Variants in ABLIM1 observed in about 807,000 individuals in gnomAD.
ABLIM1 encodes actin binding LIM protein 1, also known as actin-binding LIM protein 1.
Under a neutral mutation model 107.0 loss-of-function variants are expected in ABLIM1, and 40 were observed. The ratio of observed to expected loss-of-function variants is 0.37; its 90% confidence interval spans 0.29 to 0.49. ABLIM1 has a LOEUF of 0.49. Among genes scored for constraint, ABLIM1 ranks in the 20% least tolerant of loss-of-function variants. The pLI is 0.97. For synonymous variants in ABLIM1, 357 were observed against 357.3 expected (o/e 1.00, Z 0.01); for missense variants, 857 against 1,008.5 (o/e 0.85, Z 2.04).
intron 14 of ABLIM1, among the ~76,000 whole-genome samples, chr10:114,449,559 G>A (rs567692661): frequency 2.6e-5 from 4 of 152,302 alleles, no homozygotes; most frequent in Non-Finnish European, 5.9e-5. Flanking sequence ...CTGAGACTAT[G>A]GGTGTGGGCC....
intron 2 of ABLIM1, among the ~76,000 whole-genome samples, chr10:114,584,286 C>T (rs1348590244): frequency 3.3e-5 from 5 of 152,096 alleles, no homozygotes; most frequent in African/African-American, 7.2e-5. Context: ...ATTAGCACTG[C>T]GAATACCAAA....
At chr10:114,505,754 A>T (rs1379090200) in intron 6 of ABLIM1, among the ~76,000 whole-genome samples, 1 of 152,222 alleles carries the variant, frequency 6.6e-6, no homozygotes, top group African/African-American at 2.4e-5. Flanking sequence ...TCTAAAGTAC[A>T]TTCCAGCTCT....
intron 6 of ABLIM1, among the ~76,000 whole-genome samples, chr10:114,499,910 G>C (rs548855771): frequency 6.6e-6 from 1 of 152,318 alleles, no homozygotes; most frequent in South Asian, 2.1e-4. Context: ...CAATGCAACT[G>C]GACTGGCTTG....
intron 1 of ABLIM1, among the ~76,000 whole-genome samples, chr10:114,638,946 AC>A (rs1001979511): frequency 3.8e-4 from 58 of 152,230 alleles, no homozygotes; most frequent in African/African-American, 1.3e-3. Context: ...GTAATCATCC[AC>A]CCTGTCTAAT....
chr10:114,654,446 G>A (rs540031643), intron 1 of ABLIM1, among the ~76,000 whole-genome samples: 4 of 152,212 alleles, frequency 2.6e-5, no homozygotes, highest in Admixed American at 1.3e-4. Flanking sequence ...TGATATGCAC[G>A]TTCTCATTCT....
At chr10:114,456,312 G>C (rs778937712) in intron 12 of ABLIM1, among the ~76,000 whole-genome samples, 9 of 152,134 alleles carry the variant, frequency 5.9e-5, no homozygotes, top group Non-Finnish European at 1.0e-4. Context: ...CCTTTTATAA[G>C]TTTCCCATTA....
At chr10:114,598,349 G>A (rs2075658684) in intron 2 of ABLIM1, among the ~76,000 whole-genome samples, 1 of 150,990 alleles carries the variant, frequency 6.6e-6, no homozygotes, top group African/African-American at 2.4e-5. Context: ...TGCTTTGGGA[G>A]GCCAAGGCAG....
chr10:114,432,059 A>G lies in ABLIM1; in HGVS notation c.*4201T>C, dbSNP rs2058912478. Reference sequence around the variant, plus strand: ...TTGGGTAGTTCCCTTAAAGTACATCATTGCTATAAGTTGGTATCACTGCAA... The same window carrying G: ...TTGGGTAGTTCCCTTAAAGTACATCGTTGCTATAAGTTGGTATCACTGCAA... On this transcript the variant is annotated 3_prime_UTR_variant, in exon 23 of 23. Coordinates refer to ENST00000533213, the MANE Select transcript of ABLIM1 (RefSeq NM_002313.7). The G allele has an allele frequency of 6.6e-6, 1 of 152,200 alleles. No individual in the cohort carries two copies. The highest frequency in any genetic ancestry group is 2.4e-5 in the African/African-American group (1 of 41,464). The allele number at this position is 152,200 out of a possible 1,614,324, so 9.4% of individuals were successfully genotyped here.
intron 6 of ABLIM1, among the ~76,000 whole-genome samples, chr10:114,527,440 T>C (rs942655607): frequency 2.2e-4 from 33 of 152,218 alleles, no homozygotes; most frequent in African/African-American, 6.0e-4. Context: ...AATTACTGGC[T>C]AGCTACTGGC....
chr10:114,466,074 T>A (rs2065083025), intron 11 of ABLIM1, among the ~76,000 whole-genome samples: 1 of 152,214 alleles, frequency 6.6e-6, no homozygotes, highest in South Asian at 2.1e-4. Flanking sequence ...GTGTGGTGGC[T>A]CACACCTGTG....
chr10:114,678,364 T>A (rs921136052), intron 1 of ABLIM1, among the ~76,000 whole-genome samples: 2 of 152,264 alleles, frequency 1.3e-5, no homozygotes, highest in African/African-American at 4.8e-5. Flanking sequence ...TCTGACTTCA[T>A]TTCTAAAGCA....
At chr10:114,610,331 G>C (rs575848028) in intron 1 of ABLIM1, among the ~76,000 whole-genome samples, 33 of 152,298 alleles carry the variant, frequency 2.2e-4, no homozygotes, top group Admixed American at 1.2e-3. Flanking sequence ...GGTTGAGACT[G>C]GTCTGGATTT....
intron 1 of ABLIM1, among the ~76,000 whole-genome samples, chr10:114,702,003 T>C (rs2081316722): frequency 6.6e-6 from 1 of 152,222 alleles, no homozygotes; most frequent in South Asian, 2.1e-4. Flanking sequence ...TATACTATTT[T>C]TTTATTGTTT....
intron 6 of ABLIM1, among the ~76,000 whole-genome samples, chr10:114,525,737 G>A (rs905835443): frequency 6.6e-5 from 10 of 152,292 alleles, no homozygotes; most frequent in African/African-American, 2.4e-4. Flanking sequence ...GAGAAAAACA[G>A]GCTCAGTTTT....
At chr10:114,506,204 T>G (rs1365463279) in intron 6 of ABLIM1, among the ~76,000 whole-genome samples, 1 of 152,228 alleles carries the variant, frequency 6.6e-6, no homozygotes, top group East Asian at 1.9e-4. Flanking sequence ...TGTTCCGTTT[T>G]TGGCTGTGTA....
At position 114,434,298 on chromosome 10, in the gene ABLIM1, C is replaced by CAT. The variant is rs1355628508; in HGVS notation, c.*1961_*1962insAT. 18 of 151,820 alleles carry CAT rather than the reference C, an allele frequency of 1.2e-4. No homozygotes were observed. The East Asian group carries it at 3.3e-3, about 28-fold the overall frequency. The allele number at this position is 151,820 out of a possible 1,614,324, so 9.4% of individuals were successfully genotyped here. On this transcript the variant is annotated 3_prime_UTR_variant, in exon 23 of 23. Coordinates refer to ENST00000533213, the MANE Select transcript of ABLIM1 (RefSeq NM_002313.7). ...TAGATCCAACACACACACACACACACACACACACACACACACACACACACA... is the reference window on the plus strand; with the variant it reads ...TAGATCCAACACACACACACACACACATACACACACACACACACACACACACA...
At chr10:114,744,727 G>T (rs915860245) in intron 1 of ABLIM1, among the ~76,000 whole-genome samples, 7 of 152,102 alleles carry the variant, frequency 4.6e-5, no homozygotes, top group Non-Finnish European at 1.0e-4. Context: ...ATGGGAGCAG[G>T]CAGGGCATGA....
At chr10:114,583,442 C>T (rs1019667339) in intron 2 of ABLIM1, among the ~76,000 whole-genome samples, 1 of 33,188 alleles carries the variant, frequency 3.0e-5, no homozygotes, top group African/African-American at 9.5e-5. Flanking sequence ...CACACACACA[C>T]ACACACACAC....
chr10:114,592,621 C>T (rs570880325), intron 2 of ABLIM1, among the ~76,000 whole-genome samples: 2 of 152,112 alleles, frequency 1.3e-5, no homozygotes, highest in Non-Finnish European at 2.9e-5. Context: ...CAGAGAGACC[C>T]GCTAAAATTC....
Sources: gnomAD v4.1 joint callset for allele counts (sites outside exome capture counted in the v4.1 genomes callset) on GRCh38, gnomAD v4.1.1 for gene constraint, MANE v1.5 for transcripts, NCBI Gene and HGNC (gene_info 2026-07-23, HGNC 2026-07-21) for gene names.